MUC5B: variants seen among roughly 807,000 people sequenced by gnomAD.
MUC5B encodes mucin-5B.
MUC5B carries 116 observed loss-of-function variants against 376.9 expected under a neutral mutation model. The ratio of observed to expected loss-of-function variants is 0.31; its 90% CI spans 0.26 to 0.36. MUC5B has a LOEUF of 0.36. Among genes scored for constraint, MUC5B ranks in the 10% least tolerant of loss-of-function variants. MUC5B has a pLI of 1.00. For missense variants in MUC5B, 7,165 were observed against 7,769.9 expected (o/e 0.92, Z 2.93); for synonymous variants, 3,517 against 3,390.9 (o/e 1.04, Z -1.29).
chr11:1,250,908 T>A lies in MUC5B; in HGVS notation c.14028T>A (p.Thr4676=), dbSNP rs777547015. ...TPSSSTQTSG[T]PPSLTTTATT... ...CCTCTAGCACACAGACCAGTGGTACTCCCCCATCACTGACCACCACGGCCA... is the reference window on the plus strand; with the variant it reads ...CCTCTAGCACACAGACCAGTGGTACACCCCCATCACTGACCACCACGGCCA... The change falls in exon 31 of 49, where the codon ACT becomes ACA. Residue 4676 remains threonine (T), a synonymous_variant. Coordinates refer to ENST00000529681, the MANE Select transcript of MUC5B (RefSeq NM_002458.3). 26 of 1,587,702 alleles carry A rather than the reference T, an allele frequency of 1.6e-5. No homozygotes were observed. Among genetic ancestry groups the A allele is most frequent in the African/African-American group, 4.1e-5 (3 of 72,956 alleles).
chr11:1,231,902 G>C, intron 14 of MUC5B, 94 bp from the exon 15 acceptor site: 1 of 1,532,656 alleles, frequency 6.5e-7, no homozygotes, highest in Non-Finnish European at 8.9e-7. Flanking sequence ...GCTCCCAGCC[G>C]TTCCACCCTG....
rs986335249 is a variant in MUC5B at position 1,253,286 on chromosome 11, GAC to G, written c.15217+310_15217+311del. Among the ~76,000 whole-genome samples, 2 of 152,164 alleles carry G rather than the reference GAC, an allele frequency of 1.3e-5. No individual in the cohort carries two copies. Among genetic ancestry groups the G allele is most frequent in the African/African-American group, 4.8e-5 (2 of 41,428 alleles). ...CCGTGTCCACAGGGCTGAAAATGCTGACACAGCCCAAGGGAGAGGCAGCAGAG... is the reference window on the plus strand; with the variant it reads ...CCGTGTCCACAGGGCTGAAAATGCTGACAGCCCAAGGGAGAGGCAGCAGAG... On this transcript the variant is annotated intron_variant, in intron 33 of 48. Coordinates refer to ENST00000529681, the MANE Select transcript of MUC5B (RefSeq NM_002458.3). The surrounding 1 kb of genome is among the most constrained non-coding windows in gnomAD (Gnocchi z 4.3).
intron 10 of MUC5B, 72 bp from the exon 11 acceptor site, chr11:1,229,933 G>A (rs918573946): frequency 2.7e-5 from 42 of 1,554,186 alleles, no homozygotes; most frequent in Non-Finnish European, 3.5e-5. Flanking sequence ...GCCTCCGCCT[G>A]CGGTGGGGGT....
intron 18 of MUC5B, 60 bp from the exon 19 acceptor site, chr11:1,233,733 G>A (rs55746257): frequency 7.8e-5 from 120 of 1,529,380 alleles, no homozygotes; most frequent in South Asian, 1.1e-4. Flanking sequence ...TCGGAAGCCC[G>A]GGGGTGGGGT....
chr11:1,227,724 G>C lies in MUC5B; in HGVS notation c.717G>C (p.Gly239=). ...LQFGNLQKLD[G]PTEQCPDPLP... Reference sequence around the variant, plus strand: ...TTGGGAACCTGCAGAAGTTGGATGGGCCCACGGAGCAGTGCCCGGACCCGC... The same window carrying C: ...TTGGGAACCTGCAGAAGTTGGATGGCCCCACGGAGCAGTGCCCGGACCCGC... The change falls in exon 7 of 49, where the codon GGG becomes GGC. Residue 239 remains glycine (G), a synonymous_variant. Transcript: ENST00000529681. 1 of 723,680 alleles carries C rather than the reference G, an allele frequency of 1.4e-6. No individual in the cohort carries two copies. The highest frequency in any genetic ancestry group is 2.6e-6 in the Non-Finnish European group (1 of 388,734). 44.8% of individuals were successfully genotyped at this position (723,680 alleles called of 1,614,324 possible).
chr11:1,246,323 C>A lies in MUC5B; in HGVS notation c.9443C>A (p.Thr3148Asn). 1.2e-6 allele frequency: 2 copies of A among 1,602,038 alleles called. No individual in the cohort carries two copies. Among genetic ancestry groups the A allele is most frequent in the Non-Finnish European group, 1.7e-6 (2 of 1,172,048 alleles). Residue 3148 changes from threonine to asparagine, a missense_variant, in exon 31 of 49, where the codon ACT becomes AAT. Around this residue, in one of 31 missense-constraint regions of MUC5B, gnomAD observed 939 missense variants for 770.6 expected, o/e 1.22. Transcript: ENST00000529681. ...ACAGCAGCCACTACAACTGCAGCCA[C>A]TGGCCCCACGGCCACCCCGTCCTCC... Reference protein sequence around the residue: ...LTTAATTTAATGPTATPSSTP... With the variant: ...LTTAATTTAANGPTATPSSTP...
At position 1,258,426 on chromosome 11, in the gene MUC5B, C is replaced by G; in HGVS notation, c.16593+59C>G. The G allele has an allele frequency of 6.3e-7, 1 of 1,586,054 alleles. No homozygotes were observed. Among genetic ancestry groups the G allele is most frequent in the Non-Finnish European group, 8.6e-7 (1 of 1,163,742 alleles). On this transcript the variant is annotated intron_variant, in intron 43 of 48. Transcript: ENST00000529681. The surrounding 1 kb of genome is among the most constrained non-coding windows in gnomAD (Gnocchi z 5.5). ...GGGCCTGAACATGTGTGTGGGATGC[C>G]CCGGGGCTCTCTGAGCCCCACTCCT...
In MUC5B at chr11:1,243,810, G is replaced by A; in HGVS notation, c.6930G>A (p.Val2310=). 6.2e-7 allele frequency: 1 copy of A among 1,611,634 alleles called. No homozygotes were observed. The highest frequency in any genetic ancestry group is 8.5e-7 in the Non-Finnish European group (1 of 1,179,622). ...CATCGGCCCCCATAACCACGGTGGTGACCATGGGCTGTGAGCCCCAGTGTG... is the reference window on the plus strand; with the variant it reads ...CATCGGCCCCCATAACCACGGTGGTAACCATGGGCTGTGAGCCCCAGTGTG... ...SPTSAPITTV[V]TMGCEPQCAW... The change falls in exon 31 of 49, where the codon GTG becomes GTA. Residue 2310 remains valine (V), a synonymous_variant. Coordinates refer to ENST00000529681, the MANE Select transcript of MUC5B (RefSeq NM_002458.3).
intron 9 of MUC5B, 89 bp downstream of exon 9, chr11:1,229,384 GC>G: frequency 7.2e-7 from 1 of 1,388,102 alleles, no homozygotes; most frequent in South Asian, 1.4e-5. Flanking sequence ...TGGAAGCAGA[GC>G]CCCTCATGCC....
intron 12 of MUC5B, 71 bp downstream of exon 12, chr11:1,230,671 G>C: frequency 1.4e-6 from 2 of 1,390,022 alleles, no homozygotes; most frequent in South Asian, 1.3e-5. Context: ...AGCAAGCACG[G>C]TCAGGTCCCC....
intron 25 of MUC5B, among the ~76,000 whole-genome samples, chr11:1,238,357 T>C (rs1158871817): frequency 6.6e-6 from 1 of 151,966 alleles, no homozygotes. Context: ...CGGTGGGTGC[T>C]GGGTGGTCGG....
rs201463531 is a variant in MUC5B, at chr11:1,249,950, C to T, written c.13070C>T (p.Pro4357Leu). 6.1e-4 allele frequency: 983 copies of T among 1,612,564 alleles called. 2 individuals carry two copies. Among genetic ancestry groups the T allele is most frequent in the Non-Finnish European group, 7.8e-4 (920 of 1,179,148 alleles). The change falls in exon 31 of 49, where the codon CCG (proline) becomes CTG (leucine). Residue 4357 changes from proline (P) to leucine (L), a missense_variant. Physicochemically the swap from Pro to Leu is moderately conservative, Grantham distance 98. Transcript: ENST00000529681. The stretch of plus-strand genomic sequence containing the variant: ...TCCACAATCCACCCCTCCTCCACTC[C>T]GGAGACCACCCACACCTCCACAGTG... Reference protein sequence around the residue: ...TMSTIHPSSTPETTHTSTVLT... With the variant: ...TMSTIHPSSTLETTHTSTVLT...
chr11:1,230,644 T>C (rs1446437940), intron 12 of MUC5B, 44 bp downstream of exon 12: 13 of 1,530,974 alleles, frequency 8.5e-6, no homozygotes, highest in African/African-American at 2.7e-5. Flanking sequence ...GGAAGAGGCA[T>C]GCGAAGGTGT....
chr11:1,245,850 C>A lies in MUC5B; in HGVS notation c.8970C>A (p.Thr2990=). ...TATPSSTPGT[T]WILTEQTTAA... The stretch of plus-strand genomic sequence containing the variant: ...CGCCCTCCTCCACTCCAGGGACGAC[C>A]TGGATCCTCACAGAGCAGACCACAG... The change falls in exon 31 of 49, where the codon ACC becomes ACA. Residue 2990 remains threonine, a synonymous_variant. Transcript: ENST00000529681. The A allele has an allele frequency of 6.2e-7, 1 of 1,613,516 alleles. No individual in the cohort carries two copies.
chr11:1,260,007 G>A lies in MUC5B; in HGVS notation c.16845G>A (p.Val5615=), dbSNP rs779385656. Reference sequence around the variant, plus strand: ...ACAGCCATGTGGACAACTGCACCGTGTACCTCTGTGAGGCTGAGGGTGGAG... The same window carrying A: ...ACAGCCATGTGGACAACTGCACCGTATACCTCTGTGAGGCTGAGGGTGGAG... ...WVNSHVDNCT[V]YLCEAEGGVH... is the part of the protein sequence containing the mutation. The change falls in exon 46 of 49, where the codon GTG becomes GTA. Residue 5615 remains valine, a synonymous_variant. Coordinates refer to ENST00000529681, the MANE Select transcript of MUC5B (RefSeq NM_002458.3). 3 of 1,612,844 alleles carry A rather than the reference G, an allele frequency of 1.9e-6. No individual in the cohort carries two copies. Among genetic ancestry groups the A allele is most frequent in the Admixed American group, 3.3e-5 (2 of 59,986 alleles).
At position 1,257,926 on chromosome 11, in the gene MUC5B, AG is replaced by A. The variant is rs1324476751; in HGVS notation, c.16451-170del. Among the ~76,000 whole-genome samples, 5 of 152,194 alleles carry A rather than the reference AG, an allele frequency of 3.3e-5. No individual in the cohort carries two copies. The highest frequency in any genetic ancestry group is 5.9e-5 in the Non-Finnish European group (4 of 68,018). On this transcript the variant is annotated intron_variant, in intron 41 of 48. Transcript: ENST00000529681. This position sits in a 1 kb window ranked among gnomAD's most constrained non-coding sequence, Gnocchi z 8.9. ...CCTCTGGCCTGCCCAGGAGTGGCCC[AG>A]GGACGTGGGAAGCAGCGGGGAGGTG...
chr11:1,251,627 T>G lies in MUC5B; in HGVS notation c.14747T>G (p.Phe4916Cys). Reference protein sequence around the residue: ...PAVLPSSLPTFSVSTVSSSVL... With the variant: ...PAVLPSSLPTCSVSTVSSSVL... ...GTGCTCCCCAGCAGCCTGCCAACCT[T>G]CAGCGTGTCCACTGTGTCCTCCTCA... The change falls in exon 31 of 49, where the codon TTC becomes TGC. Residue 4916 changes from phenylalanine (F) to cysteine (C), a missense_variant. Around this residue, in one of 31 missense-constraint regions of MUC5B, gnomAD observed 730 missense variants for 592.7 expected, o/e 1.23. Transcript: ENST00000529681. 6.2e-7 allele frequency: 1 copy of G among 1,613,026 alleles called. No individual in the cohort carries two copies.
rs773935703 is a variant in MUC5B at position 1,253,026 on chromosome 11, CAG to C, written c.15217+49_15217+50del. On this transcript the variant is annotated intron_variant, in intron 33 of 48. Transcript: ENST00000529681. This position sits in a 1 kb window ranked among gnomAD's most constrained non-coding sequence, Gnocchi z 4.3. The stretch of plus-strand genomic sequence containing the variant: ...GGGATTACCCCGGGGGCAGGTGGAG[CAG>C]AGTGCACCGTCGGCTAGGCTGGCAG... 6.2e-7 allele frequency: 1 copy of C among 1,605,388 alleles called. No individual in the cohort carries two copies. The highest frequency in any genetic ancestry group is 8.5e-7 in the Non-Finnish European group (1 of 1,176,168).
At chr11:1,232,231 C>G in intron 15 of MUC5B, 71 bp downstream of exon 15, 10 of 1,480,610 alleles carry the variant, frequency 6.8e-6, no homozygotes, top group Non-Finnish European at 9.0e-6. Context: ...GTCCCCTGGG[C>G]CACGGGGACC....
Sources: gnomAD v4.1 joint callset for allele counts (sites outside exome capture counted in the v4.1 genomes callset) on GRCh38, gnomAD v4.1.1 for gene constraint, gnomAD v4.1.1 regional missense constraint, Gnocchi (gnomAD v3.1) non-coding constraint, MANE v1.5 for transcripts, NCBI Gene and HGNC (gene_info 2026-07-23, HGNC 2026-07-21) for gene names.